The following ACAD11 variants were observed in gnomAD, a reference collection of about 807,000 sequenced individuals.
ACAD11 encodes acyl-CoA dehydrogenase family member 11, also known as acyl-Coenzyme A dehydrogenase family, member 11.
A neutral mutation model predicts 102.2 loss-of-function variants in ACAD11; 83 were observed. That is an observed-to-expected ratio of 0.81 (90% confidence interval 0.68 to 0.97). ACAD11 has a LOEUF of 0.97. Ranked by LOEUF, ACAD11 falls within the 50% of genes least tolerant of loss-of-function variation. The pLI is 0.00. For synonymous variants in ACAD11, 324 were observed against 319.8 expected, an observed-to-expected ratio of 1.01 and a Z score of -0.14; for missense variants, 901 against 951.7, an observed-to-expected ratio of 0.95 and a Z score of 0.70.
chr3:132,612,072 A>G (rs1234412277), intron 11 of ACAD11, among the ~76,000 whole-genome samples: 2 of 152,022 alleles, frequency 1.3e-5, no homozygotes, highest in African/African-American at 4.8e-5. Context: ...ATAATGCCGC[A>G]TATCTACAAC....
At chr3:132,603,529 C>G (rs562456857) in intron 12 of ACAD11, among the ~76,000 whole-genome samples, 1 of 152,176 alleles carries the variant, frequency 6.6e-6, no homozygotes, top group Non-Finnish European at 1.5e-5. Context: ...ATGAAGTATA[C>G]TGAACATTGG....
intron 12 of ACAD11, among the ~76,000 whole-genome samples, chr3:132,604,320 AACT>A (rs1938748281): frequency 6.6e-6 from 1 of 152,198 alleles, no homozygotes; most frequent in Non-Finnish European, 1.5e-5. Context: ...TTAGAGATTA[AACT>A]GTATCATAGG....
In ACAD11 at chr3:132,558,796, T is replaced by G. The variant is rs1936957407; in HGVS notation, c.*175A>C. On this transcript the variant is annotated 3_prime_UTR_variant, in exon 20 of 20. Transcript: ENST00000264990. The stretch of plus-strand genomic sequence containing the variant: ...ATTTCTTACTGAACTTAACCCTGTG[T>G]GACCCTTGAAATAATAAAACCCACT... 1.8e-6 allele frequency: 1 copy of G among 566,964 alleles called. No homozygotes were observed. The highest frequency in any genetic ancestry group is 1.9e-5 in the African/African-American group (1 of 52,328). The allele number at this position is 566,964 out of a possible 1,614,324, so 35.1% of individuals were successfully genotyped here.
chr3:132,619,644 A>C, intron 9 of ACAD11, 99 bp from the exon 10 acceptor site: 1 of 613,798 alleles, frequency 1.6e-6, no homozygotes, highest in Non-Finnish European at 2.7e-6. Flanking sequence ...TTTTAGGTGA[A>C]GATGCTTTTT....
chr3:132,564,071 C>T (rs1012838826), intron 17 of ACAD11, among the ~76,000 whole-genome samples: 5 of 151,984 alleles, frequency 3.3e-5, no homozygotes, highest in African/African-American at 1.2e-4. Context: ...GTTAGTTTGG[C>T]AGATTATAAT....
intron 13 of ACAD11, chr3:132,601,049 G>T (rs760047133): frequency 1.9e-6 from 3 of 1,613,964 alleles, no homozygotes; most frequent in East Asian, 2.2e-5. Flanking sequence ...TATTATGGGG[G>T]TGTGCTACTT....
intron 11 of ACAD11, among the ~76,000 whole-genome samples, chr3:132,609,584 G>T (rs1374862696): frequency 6.6e-6 from 1 of 152,070 alleles, no homozygotes. Flanking sequence ...AAACCAAAAA[G>T]AAGTCAAATC....
At chr3:132,657,507 G>T (rs1035675366) in intron 1 of ACAD11, among the ~76,000 whole-genome samples, 1 of 152,146 alleles carries the variant, frequency 6.6e-6, no homozygotes, top group East Asian at 1.9e-4. Flanking sequence ...TGAATCAATA[G>T]ATCAACTGGA....
intron 1 of ACAD11, chr3:132,646,533 G>C (rs1024186177): frequency 1.2e-4 from 18 of 152,242 alleles, no homozygotes; most frequent in African/African-American, 4.3e-4. Flanking sequence ...GAAATACAAA[G>C]AAAAAACTAA....
Position 132,642,144 on chromosome 3 carries a change from G to T in ACAD11, c.376-11C>A. 2 of 1,601,112 alleles carry T rather than the reference G, an allele frequency of 1.2e-6. No individual in the cohort carries two copies. Among genetic ancestry groups the T allele is most frequent in the Non-Finnish European group, 8.5e-7 (1 of 1,172,234 alleles). The stretch of plus-strand genomic sequence containing the variant: ...ACGGAAGATTCGACCCTATGGAAGT[G>T]ATTACAACAGATTATTTAAATGTGT... On this transcript the variant is annotated splice_polypyrimidine_tract_variant and intron_variant, in intron 3 of 19. Coordinates refer to ENST00000264990, the MANE Select transcript of ACAD11 (RefSeq NM_032169.5).
At position 132,619,472 on chromosome 3, in the gene ACAD11, A is replaced by G. The variant is rs1330572865; in HGVS notation, c.1271T>C (p.Leu424Pro). ...KWGKPLVIDK[L>P]KEMAKVEGLW... Reference sequence around the variant, plus strand: ...TAGCGTTAAAGATTTTCTTACCTTGAGTTTATCAATCACTAAAGGTTTTCC... The same window carrying G: ...TAGCGTTAAAGATTTTCTTACCTTGGGTTTATCAATCACTAAAGGTTTTCC... The change falls in exon 10 of 20, where the codon CTC (leucine) becomes CCC (proline). Residue 424 changes from leucine to proline, a missense_variant. Coordinates refer to ENST00000264990, the MANE Select transcript of ACAD11 (RefSeq NM_032169.5). 6.3e-7 allele frequency: 1 copy of G among 1,579,588 alleles called. No individual in the cohort carries two copies. Among genetic ancestry groups the G allele is most frequent in the Non-Finnish European group, 8.6e-7 (1 of 1,166,284 alleles).
intron 5 of ACAD11, among the ~76,000 whole-genome samples, chr3:132,636,979 AT>A (rs1233638602): frequency 6.6e-6 from 1 of 152,134 alleles, no homozygotes; most frequent in East Asian, 1.9e-4. Context: ...TAGAAAAGCC[AT>A]TTTTTAAATG....
chr3:132,642,650 AC>A, intron 3 of ACAD11, 26 bp downstream of exon 3: 1 of 1,570,016 alleles, frequency 6.4e-7, no homozygotes, highest in Non-Finnish European at 8.6e-7. Flanking sequence ...AGTAAAAGCA[AC>A]AAAATAAGAT....
At chr3:132,582,777 A>G (rs933883112) in intron 13 of ACAD11, among the ~76,000 whole-genome samples, 17 of 152,096 alleles carry the variant, frequency 1.1e-4, no homozygotes, top group African/African-American at 4.1e-4. Context: ...GTTCACCTCC[A>G]GGCTGGTGGT....
At chr3:132,610,891 G>A (rs1939106022) in intron 11 of ACAD11, among the ~76,000 whole-genome samples, 1 of 152,160 alleles carries the variant, frequency 6.6e-6, no homozygotes, top group African/African-American at 2.4e-5. Flanking sequence ...GCATCATCCT[G>A]ATACCAAAGC....
intron 10 of ACAD11, 47 bp downstream of exon 10, chr3:132,619,421 C>CA: frequency 7.2e-7 from 1 of 1,380,528 alleles, no homozygotes; most frequent in Admixed American, 2.2e-5. Context: ...TCTAGGATCT[C>CA]AAAAAACACT....
At chr3:132,637,735 T>C (rs1365257327) in intron 5 of ACAD11, among the ~76,000 whole-genome samples, 1 of 152,166 alleles carries the variant, frequency 6.6e-6, no homozygotes, top group Admixed American at 6.5e-5. Flanking sequence ...TGCCCAAACA[T>C]GCTTTAAATA....
chr3:132,617,710 C>T (rs1939460264), intron 11 of ACAD11, among the ~76,000 whole-genome samples: 1 of 152,182 alleles, frequency 6.6e-6, no homozygotes, highest in South Asian at 2.1e-4. Flanking sequence ...CACAAAATTC[C>T]CATTGGCTCA....
At chr3:132,591,201 C>G (rs950283500) in intron 13 of ACAD11, among the ~76,000 whole-genome samples, 9 of 152,096 alleles carry the variant, frequency 5.9e-5, no homozygotes, top group Non-Finnish European at 1.5e-5. Flanking sequence ...AGGTACGGGT[C>G]CAGCTTCAAT....
Sources: gnomAD v4.1 joint callset for allele counts (sites outside exome capture counted in the v4.1 genomes callset) on GRCh38, gnomAD v4.1.1 for gene constraint, MANE v1.5 for transcripts, NCBI Gene and HGNC (gene_info 2026-07-23, HGNC 2026-07-21) for gene names.